Variants in LARGE1 observed in about 807,000 individuals in gnomAD.
LARGE1 encodes the protein LARGE xylosyl- and glucuronyltransferase 1.
In LARGE1, 43 loss-of-function variants were observed where a neutral mutation model predicts 87.6. The ratio of observed to expected loss-of-function variants is 0.49; its 90% CI spans 0.38 to 0.63. The LOEUF is 0.63. Among genes scored for constraint, LARGE1 ranks in the 30% least tolerant of loss-of-function variants. The probability of loss-of-function intolerance (pLI) is 0.00; values close to 1 mark genes in which losing one functional copy is unlikely to be tolerated. For synonymous variants in LARGE1, 434 were observed against 394.6 expected (o/e 1.10, Z -1.18); for missense variants, 802 against 1,000.2 (o/e 0.80, Z 2.67).
chr22:33,378,241 T>C (rs1220648593), intron 9 of LARGE1, among the ~76,000 whole-genome samples: 1 of 152,172 alleles, frequency 6.6e-6, no homozygotes, highest in Admixed American at 6.6e-5. Flanking sequence ...CCATTTTTGC[T>C]CCCACACATG....
chr22:33,432,397 T>C (rs2067109958), intron 6 of LARGE1, 132 bp from the exon 7 acceptor site: 1 of 717,734 alleles, frequency 1.4e-6, no homozygotes, highest in Middle Eastern at 2.6e-4. Flanking sequence ...TTTTATGAAG[T>C]GCCAGCCTCT....
At chr22:33,137,911 G>A in the LARGE1 span, among the ~76,000 whole-genome samples, 64,085 of 152,034 alleles carry the variant, frequency 0.42, 13,951 homozygotes, top group South Asian at 0.68. Flanking sequence ...TCCTCATGGA[G>A]AACCTCTGCA....
At chr22:33,338,936 T>G (rs901656829) in intron 9 of LARGE1, among the ~76,000 whole-genome samples, 29 of 151,812 alleles carry the variant, frequency 1.9e-4, no homozygotes, top group Non-Finnish European at 3.1e-4. Flanking sequence ...TCACCTGAGG[T>G]CAGGAGTTCA....
At chr22:33,816,062 G>A (rs1310270013) in intron 1 of LARGE1, among the ~76,000 whole-genome samples, 1 of 152,106 alleles carries the variant, frequency 6.6e-6, no homozygotes, top group Non-Finnish European at 1.5e-5. Context: ...ACATGGCCTG[G>A]TGTTCTGATG....
chr22:33,750,639 T>C (rs1349382107), intron 2 of LARGE1: 2 of 152,118 alleles, frequency 1.3e-5, no homozygotes, highest in African/African-American at 4.8e-5. Context: ...GTTTGTTGAA[T>C]AACACAAAGG....
intron 4 of LARGE1, among the ~76,000 whole-genome samples, chr22:33,610,647 G>C (rs956024218): frequency 6.6e-5 from 10 of 152,152 alleles, no homozygotes; most frequent in African/African-American, 2.4e-4. Flanking sequence ...GGTGGTGGGT[G>C]GTGGGGGAGA....
At chr22:33,396,385 C>T (rs769882557) in intron 7 of LARGE1, among the ~76,000 whole-genome samples, 2 of 151,528 alleles carry the variant, frequency 1.3e-5, no homozygotes, top group South Asian at 4.2e-4. Flanking sequence ...GTTCTGTAAT[C>T]CAGCTTTTGC....
intron 9 of LARGE1, among the ~76,000 whole-genome samples, chr22:33,373,942 C>G (rs1395646960): frequency 1.4e-5 from 2 of 141,592 alleles, no homozygotes; most frequent in African/African-American, 5.7e-5. Context: ...CCATTGCACT[C>G]CAGCCTGGGG....
At chr22:33,597,436 C>A (rs1055344662) in intron 5 of LARGE1, among the ~76,000 whole-genome samples, 2 of 152,110 alleles carry the variant, frequency 1.3e-5, no homozygotes, top group African/African-American at 4.8e-5. Context: ...AGTTTACCCA[C>A]CCCCTACATG....
chr22:33,707,119 G>C (rs997963274), intron 2 of LARGE1, among the ~76,000 whole-genome samples: 4 of 152,186 alleles, frequency 2.6e-5, no homozygotes, highest in African/African-American at 9.7e-5. Flanking sequence ...TGGCACGCGA[G>C]ACCAATTCTA....
intron 6 of LARGE1, 86 bp downstream of exon 6, chr22:33,564,762 T>A: frequency 1.4e-6 from 2 of 1,398,576 alleles, no homozygotes; most frequent in Non-Finnish European, 2.0e-6. Context: ...CGAGGAGACC[T>A]CACCTTTTTA....
At position 33,364,241 on chromosome 22, in the gene LARGE1, T is replaced by C. The variant is rs569953829; in HGVS notation, c.1131+17678A>G. On this transcript the variant is annotated intron_variant, in intron 9 of 14. Coordinates refer to ENST00000397394, the MANE Select transcript of LARGE1 (RefSeq NM_133642.5). ...GGCTAATTTTTCTTTGTATTTTTAG[T>C]AGAGACGGGGTTTCACCGTGTTAGC... Among the ~76,000 whole-genome samples, 133 of 152,226 alleles carry C rather than the reference T, an allele frequency of 8.7e-4. 1 individual carries two copies. The highest frequency in any genetic ancestry group is 6.8e-3 in the Middle Eastern group (2 of 294).
At chr22:33,357,019 C>G (rs1190996651) in intron 9 of LARGE1, among the ~76,000 whole-genome samples, 5 of 152,278 alleles carry the variant, frequency 3.3e-5, no homozygotes, top group Admixed American at 2.0e-4. Flanking sequence ...TACTCAGTAT[C>G]TACCCAAAGG....
At chr22:33,477,019 C>G (rs1005752725) in intron 6 of LARGE1, among the ~76,000 whole-genome samples, 1 of 152,172 alleles carries the variant, frequency 6.6e-6, no homozygotes, top group Admixed American at 6.5e-5. Flanking sequence ...TCTCAGGTCA[C>G]AGAAATAACT....
chr22:33,189,504 A>C lies in LARGE1; in HGVS notation c.1731-22672T>G, dbSNP rs1032365140. On this transcript the variant is annotated intron_variant, in intron 11 of 11. Coordinates refer to the LARGE1 transcript ENST00000608642. Reference sequence around the variant, plus strand: ...GCACATACACACACTCACGATACTCACTCTTTTTATTGCGCTGCTTTCTAG... The same window carrying C: ...GCACATACACACACTCACGATACTCCCTCTTTTTATTGCGCTGCTTTCTAG... 5.3e-5 allele frequency among the ~76,000 whole-genome samples: 8 copies of C among 151,914 alleles called. No individual in the cohort carries two copies. The East Asian group carries it at 1.5e-3, about 29-fold the overall frequency.
At chr22:33,919,799 G>T (rs1186341704) in intron 1 of LARGE1, among the ~76,000 whole-genome samples, 196 bp downstream of exon 1, 1 of 152,214 alleles carries the variant, frequency 6.6e-6, no homozygotes, top group Non-Finnish European at 1.5e-5. Flanking sequence ...GCCCTGAGGG[G>T]GTCCTGGGGA....
Position 33,304,520 on chromosome 22 carries a change from G to C in LARGE1, c.1452-13C>G. On this transcript the variant is annotated splice_polypyrimidine_tract_variant and intron_variant, in intron 11 of 14. Coordinates refer to ENST00000397394, the MANE Select transcript of LARGE1 (RefSeq NM_133642.5). ...CAGCATCTGGAGCCTGGAAGAGACA[G>C]GGAGGGTGAGCCGCGGGACCTGGGC... The C allele has an allele frequency of 6.4e-7, 1 of 1,571,820 alleles. No homozygotes were observed. Among genetic ancestry groups the C allele is most frequent in the Non-Finnish European group, 8.6e-7 (1 of 1,159,098 alleles).
intron 2 of LARGE1, among the ~76,000 whole-genome samples, chr22:33,745,107 A>C (rs1569421926): frequency 6.6e-6 from 1 of 152,238 alleles, no homozygotes; most frequent in Non-Finnish European, 1.5e-5. Flanking sequence ...CCCAGGGAAC[A>C]GAACAAGCGA....
At chr22:33,575,166 T>G (rs1048397517) in intron 5 of LARGE1, among the ~76,000 whole-genome samples, 2 of 152,154 alleles carry the variant, frequency 1.3e-5, no homozygotes, top group African/African-American at 4.8e-5. Flanking sequence ...AACACCAAGT[T>G]AGGAGACAGA....
Sources: gnomAD v4.1 joint callset for allele counts (sites outside exome capture counted in the v4.1 genomes callset) on GRCh38, gnomAD v4.1.1 for gene constraint, MANE v1.5 for transcripts, NCBI Gene and HGNC (gene_info 2026-07-23, HGNC 2026-07-21) for gene names.